KDM4B: variants seen among roughly 807,000 people sequenced by gnomAD.
KDM4B encodes the protein lysine-specific demethylase 4B.
KDM4B carries 32 observed loss-of-function variants against 125.2 expected under a neutral mutation model. The ratio of observed to expected loss-of-function variants is 0.26; its 90% CI spans 0.19 to 0.34. KDM4B has a LOEUF of 0.34. Ranked by LOEUF, KDM4B falls within the 10% of genes least tolerant of loss-of-function variation. KDM4B has a pLI of 1.00. For missense variants in KDM4B, 1,190 were observed against 1,577.7 expected (o/e 0.75, Z 4.16); for synonymous variants, 721 against 677.9 (o/e 1.06, Z -0.99).
chr19:5,084,863 C>A (rs2038438761), intron 9 of KDM4B, among the ~76,000 whole-genome samples: 1 of 150,944 alleles, frequency 6.6e-6, no homozygotes, highest in Non-Finnish European at 1.5e-5. Context: ...CCCTCCCCCG[C>A]CCGCCGCCCC....
At chr19:5,047,094 G>T (rs954705412) in intron 5 of KDM4B, 3 of 166,004 alleles carry the variant, frequency 1.8e-5, no homozygotes, top group Admixed American at 1.2e-4. Context: ...AGGAGTTCGA[G>T]ACCAGCCTGG....
chr19:5,047,446 G>A (rs765157396), intron 5 of KDM4B, 30 bp from the exon 6 acceptor site: 16 of 1,572,844 alleles, frequency 1.0e-5, no homozygotes, highest in South Asian at 9.3e-5. Flanking sequence ...GTGGCCGGGC[G>A]GTTGCCGACG....
intron 21 of KDM4B, among the ~76,000 whole-genome samples, chr19:5,147,754 A>AT: frequency 6.6e-6 from 1 of 151,918 alleles, no homozygotes; most frequent in Non-Finnish European, 1.5e-5. Context: ...AAAAAAAAAA[A>AT]AAAAAAAAGT....
At position 4,997,365 on chromosome 19, in the gene KDM4B, G is replaced by T. The variant is rs2035234555; in HGVS notation, c.-108-18892G>T. Among the ~76,000 whole-genome samples, 1 of 152,124 alleles carries T rather than the reference G, an allele frequency of 6.6e-6. No homozygotes were observed. The highest frequency in any genetic ancestry group is 1.5e-5 in the Non-Finnish European group (1 of 68,010). ...AGGTTTCCCCCGCCCTAGGAGTCCA[G>T]GAGCGTCGGCCCCTGGCTTCCACTG... On this transcript the variant is annotated intron_variant, in intron 1 of 22. Coordinates refer to ENST00000159111, the MANE Select transcript of KDM4B (RefSeq NM_015015.3). This position sits in a 1 kb window ranked among gnomAD's most constrained non-coding sequence, Gnocchi z 4.2.
chr19:5,049,364 G>A (rs922658556), intron 6 of KDM4B, among the ~76,000 whole-genome samples: 5 of 152,114 alleles, frequency 3.3e-5, no homozygotes, highest in African/African-American at 4.8e-5. Flanking sequence ...CCCATGACCC[G>A]TCGTGGGAGA....
intron 21 of KDM4B, among the ~76,000 whole-genome samples, chr19:5,145,511 G>A (rs977424393): frequency 6.6e-6 from 1 of 151,362 alleles, no homozygotes; most frequent in Non-Finnish European, 1.5e-5. Context: ...AACCCGGGAG[G>A]CAGAGTTTGC....
chr19:5,140,956 G>A (rs2039731875), intron 18 of KDM4B: 1 of 152,274 alleles, frequency 6.6e-6, no homozygotes, highest in South Asian at 2.1e-4. Context: ...CCCAGCCGCG[G>A]ACACAGTGCC....
chr19:5,015,530 A>G (rs1939774934), intron 1 of KDM4B, among the ~76,000 whole-genome samples: 1 of 151,958 alleles, frequency 6.6e-6, no homozygotes, highest in Admixed American at 6.6e-5. Flanking sequence ...GGGATTCCAG[A>G]TGTCAGCCAC....
At chr19:5,124,756 C>T (rs1568312396) in intron 11 of KDM4B, among the ~76,000 whole-genome samples, 1 of 152,228 alleles carries the variant, frequency 6.6e-6, no homozygotes, top group Non-Finnish European at 1.5e-5. Flanking sequence ...CCACCATGCC[C>T]TGCTAATTTT....
chr19:5,128,787 T>C (rs1447950846), intron 11 of KDM4B, among the ~76,000 whole-genome samples: 1 of 146,808 alleles, frequency 6.8e-6, no homozygotes, highest in African/African-American at 2.5e-5. Flanking sequence ...CGCCAGCCTG[T>C]CTGCTGTGTC....
intron 1 of KDM4B, among the ~76,000 whole-genome samples, chr19:5,002,669 A>T (rs2035427974): frequency 6.6e-6 from 1 of 152,040 alleles, no homozygotes; most frequent in Non-Finnish European, 1.5e-5. Context: ...GCTAATTAAA[A>T]AAAATAGTTA....
chr19:5,114,269 C>T lies in KDM4B; in HGVS notation c.1115+3451C>T, dbSNP rs996741852. 4 of 1,270,366 alleles carry T rather than the reference C, an allele frequency of 3.1e-6. No homozygotes were observed. The highest frequency in any genetic ancestry group is 1.2e-5 in the South Asian group (1 of 80,634). 78.7% of individuals were successfully genotyped at this position (1,270,366 alleles called of 1,614,324 possible). A position where few individuals can be genotyped will look rare whatever the true frequency, so the allele number is the denominator to read the frequency against. On this transcript the variant is annotated intron_variant, in intron 10 of 22. Coordinates refer to ENST00000159111, the MANE Select transcript of KDM4B (RefSeq NM_015015.3). The surrounding 1 kb of genome is among the most constrained non-coding windows in gnomAD (Gnocchi z 5.8). The stretch of plus-strand genomic sequence containing the variant: ...CTGTGCACCCGCCTCACCACAGCCT[C>T]CCTGGCCCACTGCTGCTCTGTGAGC...
intron 9 of KDM4B, among the ~76,000 whole-genome samples, chr19:5,087,727 G>A (rs1473036939): frequency 1.3e-5 from 2 of 152,134 alleles, no homozygotes; most frequent in Non-Finnish European, 1.5e-5. Context: ...AACTTAAGGC[G>A]GCTGAGCTCT....
intron 1 of KDM4B, among the ~76,000 whole-genome samples, chr19:4,975,630 T>TG (rs1344972317): frequency 6.6e-6 from 1 of 151,228 alleles, no homozygotes; most frequent in Non-Finnish European, 1.5e-5. Flanking sequence ...TTTTGCTCTG[T>TG]GGCCCAGGCT....
At chr19:5,068,056 T>C (rs1328344008) in intron 6 of KDM4B, among the ~76,000 whole-genome samples, 1 of 151,508 alleles carries the variant, frequency 6.6e-6, no homozygotes, top group Non-Finnish European at 1.5e-5. Context: ...CGAGCTTTAG[T>C]GAACAAACAT....
rs761739656 is a variant in KDM4B, at chr19:5,131,506, A to G, written c.1746A>G (p.Ala582=). Residue 582 remains alanine (A), a synonymous_variant, in exon 12 of 23, where the codon GCA becomes GCG. Transcript: ENST00000159111. Reference sequence around the variant, plus strand: ...AGGACGGTGCAGCCAGCAGTGGGGCAGGTCGCATGGAGACCAAAGCCCGGG... The same window carrying G: ...AGGACGGTGCAGCCAGCAGTGGGGCGGGTCGCATGGAGACCAAAGCCCGGG... ...GPEDGAASSG[A]GRMETKARAG... 1 of 1,323,328 alleles carries G rather than the reference A, an allele frequency of 7.6e-7. No individual in the cohort carries two copies. The highest frequency in any genetic ancestry group is 9.8e-7 in the Non-Finnish European group (1 of 1,018,900). The allele number at this position is 1,323,328 out of a possible 1,614,324, so 82.0% of individuals were successfully genotyped here. A position where few individuals can be genotyped will look rare whatever the true frequency, so the allele number is the denominator to read the frequency against.
rs376724274 is a variant in KDM4B, at chr19:5,013,008, A to G, written c.-108-3249A>G. The stretch of plus-strand genomic sequence containing the variant: ...ATTGCGGATGGGGACCAGGGTGGAC[A>G]GAGGCCTAGGCTCGGGCTGTGCCTT... On this transcript the variant is annotated intron_variant, in intron 1 of 22. Transcript: ENST00000159111. 1.9e-3 allele frequency among the ~76,000 whole-genome samples: 288 copies of G among 152,350 alleles called. 2 individuals carry two copies. Among genetic ancestry groups the G allele is most frequent in the African/African-American group, 6.6e-3 (273 of 41,584 alleles).
chr19:5,053,347 A>G (rs2037292247), intron 6 of KDM4B, among the ~76,000 whole-genome samples: 1 of 152,346 alleles, frequency 6.6e-6, no homozygotes, highest in South Asian at 2.1e-4. Flanking sequence ...GCTCCCAGGC[A>G]GGGGACCGCA....
intron 2 of KDM4B, among the ~76,000 whole-genome samples, chr19:5,029,480 G>A (rs1343255637): frequency 6.6e-6 from 1 of 152,242 alleles, no homozygotes; most frequent in Non-Finnish European, 1.5e-5. Context: ...CGTGGGGATT[G>A]TGGACCATTT....
Sources: allele counts gnomAD v4.1 joint callset (sites outside exome capture counted in the v4.1 genomes callset), GRCh38; gene constraint gnomAD v4.1.1; non-coding constraint Gnocchi (gnomAD v3.1); transcripts MANE v1.5; gene names NCBI Gene and HGNC (gene_info 2026-07-23, HGNC 2026-07-21).